Variants in GPC5 observed in about 807,000 individuals in gnomAD.
GPC5 encodes glypican 5.
GPC5 carries 47 observed loss-of-function variants against 53.9 expected under a neutral mutation model. That is an observed-to-expected ratio of 0.87 (90% confidence interval 0.69 to 1.11). The LOEUF is 1.11. Among genes scored for constraint, GPC5 ranks in the 50% most tolerant of loss-of-function variants. The probability of loss-of-function intolerance (pLI) is 0.00; values close to 1 mark genes in which losing one functional copy is unlikely to be tolerated. For missense variants in GPC5, 748 were observed against 713.1 expected, an observed-to-expected ratio of 1.05 and a Z score of -0.56; for synonymous variants, 286 against 263.3, an observed-to-expected ratio of 1.09 and a Z score of -0.84.
At chr13:92,293,037 A>G (rs1211604884) in intron 7 of GPC5, among the ~76,000 whole-genome samples, 2 of 151,862 alleles carry the variant, frequency 1.3e-5, no homozygotes, top group Admixed American at 6.6e-5. Flanking sequence ...GTCTATTTTT[A>G]TACCAGTACC....
At chr13:92,271,793 G>C (rs1013909831) in intron 7 of GPC5, among the ~76,000 whole-genome samples, 6 of 152,028 alleles carry the variant, frequency 3.9e-5, no homozygotes, top group African/African-American at 1.4e-4. Flanking sequence ...TAGGTAAGTA[G>C]GAAAGAAATT....
At chr13:92,233,811 C>T (rs989912885) in intron 7 of GPC5, among the ~76,000 whole-genome samples, 1 of 151,954 alleles carries the variant, frequency 6.6e-6, no homozygotes, top group African/African-American at 2.4e-5. Context: ...CTCCCCACTC[C>T]CCCCACCCCA....
At chr13:92,518,533 CAT>C (rs1880886545) in intron 7 of GPC5, among the ~76,000 whole-genome samples, 1 of 152,094 alleles carries the variant, frequency 6.6e-6, no homozygotes, top group Admixed American at 6.5e-5. Context: ...AACTAAGCTT[CAT>C]AAGTGAAGGA....
chr13:92,218,241 T>C (rs1237114924), intron 7 of GPC5, among the ~76,000 whole-genome samples: 1 of 152,062 alleles, frequency 6.6e-6, no homozygotes, highest in Non-Finnish European at 1.5e-5. Context: ...CAAACAGAAA[T>C]TGACATGTCT....
At chr13:92,658,361 G>A (rs1886209010) in intron 7 of GPC5, among the ~76,000 whole-genome samples, 1 of 152,158 alleles carries the variant, frequency 6.6e-6, no homozygotes, top group Non-Finnish European at 1.5e-5. Flanking sequence ...CTTATACAGA[G>A]CATTTGGGGA....
At chr13:92,342,053 C>A (rs2043371247) in intron 7 of GPC5, among the ~76,000 whole-genome samples, 1 of 152,084 alleles carries the variant, frequency 6.6e-6, no homozygotes, top group African/African-American at 2.4e-5. Context: ...ATTGGCTTCT[C>A]AATTCCCTGA....
At chr13:92,107,288 A>C (rs1376387918) in intron 6 of GPC5, among the ~76,000 whole-genome samples, 1 of 151,972 alleles carries the variant, frequency 6.6e-6, no homozygotes, top group Non-Finnish European at 1.5e-5. Context: ...TGTTATTTTT[A>C]TCAAAACAGC....
chr13:92,283,646 G>C (rs2042932662), intron 7 of GPC5, among the ~76,000 whole-genome samples: 1 of 152,056 alleles, frequency 6.6e-6, no homozygotes, highest in Non-Finnish European at 1.5e-5. Context: ...ATGACTACTG[G>C]GTACATAACA....
At chr13:92,166,954 TCTCACACACACA>T (rs769870286) in intron 7 of GPC5, among the ~76,000 whole-genome samples, 6 of 44,614 alleles carry the variant, frequency 1.3e-4, no homozygotes, top group Non-Finnish European at 2.1e-4. Context: ...TCTCTCTCTC[TCTCACACACACA>T]CACACACACA....
At chr13:91,518,375 A>G (rs1714531756) in intron 2 of GPC5, among the ~76,000 whole-genome samples, 1 of 152,122 alleles carries the variant, frequency 6.6e-6, no homozygotes, top group East Asian at 1.9e-4. Context: ...CAACAACAAC[A>G]ATAGTAACAA....
intron 2 of GPC5, among the ~76,000 whole-genome samples, chr13:91,501,240 G>GTTT (rs140865584): frequency 1.0e-4 from 11 of 106,432 alleles, no homozygotes; most frequent in Non-Finnish European, 1.7e-4. Flanking sequence ...TTAAGACTTT[G>GTTT]TTTTTTTTTT....
intron 4 of GPC5, among the ~76,000 whole-genome samples, chr13:91,748,851 A>C (rs2037107844): frequency 6.6e-6 from 1 of 152,050 alleles, no homozygotes; most frequent in South Asian, 2.1e-4. Flanking sequence ...GGTGGAGGAA[A>C]CTGGATGTTC....
chr13:91,693,354 A>G lies in GPC5; in HGVS notation c.493A>G (p.Arg165Gly). 12 of 1,614,162 alleles carry G rather than the reference A, an allele frequency of 7.4e-6. No individual in the cohort carries two copies. Among genetic ancestry groups the G allele is most frequent in the Non-Finnish European group, 1.0e-5 (12 of 1,180,012 alleles). The change falls in exon 3 of 8, where the codon AGA (arginine) becomes GGA (glycine). Residue 165 changes from arginine (R) to glycine (G), a missense_variant. Transcript: ENST00000377067. Reference sequence around the variant, plus strand: ...TGTTAATCCTGAAGAATTTGTAAACAGATTTTTTGACAGTCTTTTTCCTCT... The same window carrying G: ...TGTTAATCCTGAAGAATTTGTAAACGGATTTTTTGACAGTCTTTTTCCTCT... ...ADVNPEEFVNRFFDSLFPLVY... is the reference protein window; with the variant it reads ...ADVNPEEFVNGFFDSLFPLVY...
chr13:91,565,519 A>G (rs968102248), intron 2 of GPC5, among the ~76,000 whole-genome samples: 7 of 152,124 alleles, frequency 4.6e-5, no homozygotes. Context: ...CAGTTTGGGG[A>G]AGAGGCTGTT....
intron 7 of GPC5, among the ~76,000 whole-genome samples, chr13:92,785,431 T>G (rs529795057): frequency 6.6e-6 from 1 of 152,170 alleles, no homozygotes; most frequent in Non-Finnish European, 1.5e-5. Flanking sequence ...TAGATTTCCA[T>G]AGAAGAAGGT....
chr13:92,081,556 C>G (rs2041295805), intron 6 of GPC5, among the ~76,000 whole-genome samples: 1 of 151,864 alleles, frequency 6.6e-6, no homozygotes, highest in Non-Finnish European at 1.5e-5. Context: ...CTCTGAGGAC[C>G]CTTTACTAGT....
chr13:92,777,461 T>C (rs1406254896), intron 7 of GPC5, among the ~76,000 whole-genome samples: 2 of 151,676 alleles, frequency 1.3e-5, no homozygotes, highest in Non-Finnish European at 2.9e-5. Context: ...GGTAAAACCC[T>C]GTCTCTACTA....
intron 7 of GPC5, among the ~76,000 whole-genome samples, chr13:92,186,390 A>G (rs2042183872): frequency 6.6e-6 from 1 of 151,960 alleles, no homozygotes; most frequent in African/African-American, 2.4e-5. Flanking sequence ...GGAAATCTTA[A>G]TTAGCAATCA....
intron 7 of GPC5, among the ~76,000 whole-genome samples, chr13:92,596,513 C>T (rs901499210): frequency 6.6e-5 from 10 of 151,862 alleles, no homozygotes; most frequent in African/African-American, 2.4e-4. Flanking sequence ...CTCACTCTGT[C>T]GCCAGGCTGG....
Sources: allele counts gnomAD v4.1 joint callset (sites outside exome capture counted in the v4.1 genomes callset), GRCh38; gene constraint gnomAD v4.1.1; transcripts MANE v1.5; gene names NCBI Gene and HGNC (gene_info 2026-07-23, HGNC 2026-07-21).